Variants in NKAIN2 observed in about 807,000 individuals in gnomAD.
NKAIN2 encodes the protein sodium/potassium transporting ATPase interacting 2, also known as sodium/potassium-transporting ATPase subunit beta-1-interacting protein 2.
NKAIN2 carries 14 observed loss-of-function variants against 32.6 expected under a neutral mutation model. The observed-to-expected ratio is 0.43, with a 90% CI of 0.28 to 0.67. The LOEUF (loss-of-function observed/expected upper bound fraction) is 0.67. Among genes scored for constraint, NKAIN2 ranks in the 30% least tolerant of loss-of-function variants. NKAIN2 has a pLI of 0.17. For synonymous variants in NKAIN2, 80 were observed against 87.2 expected, an observed-to-expected ratio of 0.92 and a Z score of 0.46; for missense variants, 198 against 258.3, an observed-to-expected ratio of 0.77 and a Z score of 1.60.
chr6:123,825,436 C>G (rs1774108081), intron 1 of NKAIN2, among the ~76,000 whole-genome samples: 1 of 152,084 alleles, frequency 6.6e-6, no homozygotes, highest in South Asian at 2.1e-4. Flanking sequence ...TTCAGAGTAT[C>G]CTAACACATT....
intron 1 of NKAIN2, among the ~76,000 whole-genome samples, chr6:124,027,342 T>G (rs1354135085): frequency 6.6e-6 from 1 of 152,068 alleles, no homozygotes; most frequent in Non-Finnish European, 1.5e-5. Context: ...GGTTTCACCA[T>G]GTTGGCCACG....
At chr6:123,824,634 A>G (rs1582598193) in intron 1 of NKAIN2, among the ~76,000 whole-genome samples, 2 of 152,098 alleles carry the variant, frequency 1.3e-5, no homozygotes, top group South Asian at 4.1e-4. Flanking sequence ...CTTAAAACCT[A>G]GATGATGGGT....
At chr6:124,654,974 G>A (rs1485549734) in intron 3 of NKAIN2, among the ~76,000 whole-genome samples, 1 of 152,056 alleles carries the variant, frequency 6.6e-6, no homozygotes, top group Admixed American at 6.6e-5. Flanking sequence ...GGCAGCCCTA[G>A]CAAACTAATA....
At position 123,808,331 on chromosome 6, in the gene NKAIN2, A is replaced by G. The variant is rs191097628; in HGVS notation, c.54+4077A>G. 6.6e-5 allele frequency among the ~76,000 whole-genome samples: 10 copies of G among 152,308 alleles called. No homozygotes were observed. The East Asian group carries it at 1.9e-3, about 29-fold the overall frequency. ...TTGAAGTTGTTAACCAAACTTACTC[A>G]TGAAGAAGACTGAAAATCCCCATAC... On this transcript the variant is annotated intron_variant, in intron 1 of 6. Transcript: ENST00000368417.
At chr6:124,675,282 G>A (rs1773298309) in intron 4 of NKAIN2, among the ~76,000 whole-genome samples, 2 of 151,926 alleles carry the variant, frequency 1.3e-5, no homozygotes, top group Non-Finnish European at 2.9e-5. Flanking sequence ...TGTTGAAGAT[G>A]TTTTTGTTTT....
intron 3 of NKAIN2, among the ~76,000 whole-genome samples, chr6:124,411,494 A>G (rs1774180126): frequency 6.6e-6 from 1 of 152,188 alleles, no homozygotes; most frequent in African/African-American, 2.4e-5. Context: ...TTCTTTAAGA[A>G]TGCTGAATAT....
At chr6:123,893,964 G>T (rs1774147434) in intron 1 of NKAIN2, among the ~76,000 whole-genome samples, 1 of 152,120 alleles carries the variant, frequency 6.6e-6, no homozygotes, top group Non-Finnish European at 1.5e-5. Context: ...ATTTAGAGAA[G>T]AATTTAGGTT....
At position 124,269,267 on chromosome 6, in the gene NKAIN2, G is replaced by A. The variant is rs185130449; in HGVS notation, c.55-13738G>A. 1.2e-3 allele frequency among the ~76,000 whole-genome samples: 186 copies of A among 152,184 alleles called. 1 individual carries two copies. The highest frequency in any genetic ancestry group is 4.3e-3 in the African/African-American group (178 of 41,508). The stretch of plus-strand genomic sequence containing the variant: ...ATTATGACTACTTCTTTTCAGAGCA[G>A]CATCTCCGTATCTGTGTTGAATTCA... On this transcript the variant is annotated intron_variant, in intron 1 of 6. Coordinates refer to ENST00000368417, the MANE Select transcript of NKAIN2 (RefSeq NM_001040214.3).
chr6:124,083,915 G>A (rs1030458174), intron 1 of NKAIN2, among the ~76,000 whole-genome samples: 2 of 151,952 alleles, frequency 1.3e-5, no homozygotes, highest in Admixed American at 6.6e-5. Context: ...TGAAAAGCAG[G>A]AAACTAAAGA....
chr6:123,833,736 ATT>A (rs1281889265), intron 1 of NKAIN2, among the ~76,000 whole-genome samples: 7 of 72,346 alleles, frequency 9.7e-5, no homozygotes, highest in Non-Finnish European at 1.2e-4. Flanking sequence ...TTTCCTGTGG[ATT>A]TTTTTTTTTT....
At chr6:124,241,521 C>A (rs1367240689) in intron 1 of NKAIN2, among the ~76,000 whole-genome samples, 2 of 152,290 alleles carry the variant, frequency 1.3e-5, no homozygotes, top group East Asian at 3.9e-4. Context: ...ACCAAAACAG[C>A]ATGCTACTGG....
intron 4 of NKAIN2, among the ~76,000 whole-genome samples, chr6:124,748,041 A>G (rs1446076996): frequency 1.3e-5 from 2 of 151,984 alleles, no homozygotes; most frequent in Non-Finnish European, 2.9e-5. Context: ...AGATGAAAAA[A>G]CTAAGCACAC....
At chr6:124,437,505 C>T (rs1014028683) in intron 3 of NKAIN2, among the ~76,000 whole-genome samples, 2 of 152,036 alleles carry the variant, frequency 1.3e-5, no homozygotes, top group African/African-American at 4.8e-5. Context: ...CTTCCTTTCT[C>T]ACCTTCTGAT....
intron 4 of NKAIN2, among the ~76,000 whole-genome samples, chr6:124,759,748 T>G (rs1038521737): frequency 2.6e-5 from 4 of 151,932 alleles, no homozygotes; most frequent in Admixed American, 1.3e-4. Flanking sequence ...CATTCATGTG[T>G]TGGAAATATA....
intron 1 of NKAIN2, among the ~76,000 whole-genome samples, chr6:123,808,038 T>G (rs1773293555): frequency 6.6e-6 from 1 of 152,180 alleles, no homozygotes; most frequent in African/African-American, 2.4e-5. Context: ...TAGACTAAAT[T>G]AAAAACAATT....
rs879351780 is a variant in NKAIN2 at position 124,730,967 on chromosome 6, T to C, written c.475-60372T>C. Among the ~76,000 whole-genome samples the C allele has an allele frequency of 4.8e-4, 64 of 132,898 alleles. 2 individuals carry two copies. Among genetic ancestry groups the C allele is most frequent in the African/African-American group, 1.3e-3 (47 of 35,654 alleles). 87.2% of individuals were successfully genotyped at this position (132,898 alleles called of 152,430 possible). On this transcript the variant is annotated intron_variant, in intron 4 of 6. Transcript: ENST00000368417. ...CAAAAAACACATGAAAAAATGCTCA[T>C]CATCACTGGCCATCAGAGAAATGCA...
chr6:124,106,297 A>G (rs540687106), intron 1 of NKAIN2, among the ~76,000 whole-genome samples: 1 of 152,304 alleles, frequency 6.6e-6, no homozygotes, highest in Admixed American at 6.5e-5. Context: ...ATGACGTGAC[A>G]ACCTGGAATG....
chr6:123,984,713 T>TC (rs1779054644), intron 1 of NKAIN2, among the ~76,000 whole-genome samples: 1 of 152,174 alleles, frequency 6.6e-6, no homozygotes, highest in African/African-American at 2.4e-5. Context: ...ATAGATGAGT[T>TC]AAGATTTAAA....
chr6:124,261,304 T>G (rs1229495364), intron 1 of NKAIN2, among the ~76,000 whole-genome samples: 7 of 152,238 alleles, frequency 4.6e-5, no homozygotes, highest in African/African-American at 1.7e-4. Flanking sequence ...AAACTAAGCA[T>G]GTTGACATCC....
Sources: allele counts gnomAD v4.1 joint callset (sites outside exome capture counted in the v4.1 genomes callset), GRCh38; gene constraint gnomAD v4.1.1; transcripts MANE v1.5; gene names NCBI Gene and HGNC (gene_info 2026-07-23, HGNC 2026-07-21).